The following BTBD10 variants were observed in gnomAD, a reference collection of about 807,000 sequenced individuals.
The protein encoded by BTBD10 is BTB/POZ domain-containing protein 10.
A neutral mutation model predicts 53.2 loss-of-function variants in BTBD10; 21 were observed. The ratio of observed to expected loss-of-function variants is 0.39; its 90% CI spans 0.28 to 0.57. The LOEUF (loss-of-function observed/expected upper bound fraction) is 0.57, where lower values mean the gene tolerates loss of function less well. Ranked by LOEUF, BTBD10 falls within the 20% of genes least tolerant of loss-of-function variation. The probability of loss-of-function intolerance (pLI) is 0.53; values close to 1 mark genes in which losing one functional copy is unlikely to be tolerated. For synonymous variants in BTBD10, 149 were observed against 192.7 expected (o/e 0.77, Z 1.88); for missense variants, 360 against 594.7 (o/e 0.61, Z 4.10).
chr11:13,438,917 T>C (rs947372756), intron 2 of BTBD10, among the ~76,000 whole-genome samples: 1 of 151,876 alleles, frequency 6.6e-6, no homozygotes, highest in Non-Finnish European at 1.5e-5. Flanking sequence ...GACAAAAACA[T>C]TTCTGGACCC....
At chr11:13,401,691 TAC>T (rs1252831283) in intron 8 of BTBD10, among the ~76,000 whole-genome samples, 1 of 152,158 alleles carries the variant, frequency 6.6e-6, no homozygotes, top group Non-Finnish European at 1.5e-5. Flanking sequence ...CTCTAAGATA[TAC>T]AGAGTATTAC....
chr11:13,434,151 A>C (rs1225705410), intron 2 of BTBD10, among the ~76,000 whole-genome samples: 2 of 152,230 alleles, frequency 1.3e-5, no homozygotes, highest in Admixed American at 6.5e-5. Context: ...AATAGTTTTA[A>C]TACTATTTCT....
At chr11:13,396,049 A>G (rs980633238) in intron 8 of BTBD10, among the ~76,000 whole-genome samples, 1 of 152,116 alleles carries the variant, frequency 6.6e-6, no homozygotes, top group African/African-American at 2.4e-5. Flanking sequence ...TATGAACTTT[A>G]AAGTAGTTTT....
intron 1 of BTBD10, among the ~76,000 whole-genome samples, chr11:13,457,653 G>A (rs918183687): frequency 9.9e-5 from 15 of 152,212 alleles, no homozygotes; most frequent in Non-Finnish European, 1.9e-4. Flanking sequence ...TATATGGGCA[G>A]AGTAGGACTG....
In BTBD10 at chr11:13,397,474, G is replaced by C. The variant is rs1311812916; in HGVS notation, c.1117+5694C>G. ...TTGCTAGCAGTCTATCAATTTTGTT[G>C]ATCCTTTCAAAAAACCAGCTCCTGG... On this transcript the variant is annotated intron_variant, in intron 8 of 8. Transcript: ENST00000278174. 4.6e-5 allele frequency among the ~76,000 whole-genome samples: 7 copies of C among 151,990 alleles called. No individual in the cohort carries two copies. The East Asian group carries it at 1.4e-3, about 29-fold the overall frequency.
chr11:13,396,587 T>A (rs994673668), intron 8 of BTBD10, among the ~76,000 whole-genome samples: 1 of 152,122 alleles, frequency 6.6e-6, no homozygotes, highest in Non-Finnish European at 1.5e-5. Context: ...GGTGAATAGT[T>A]GTGGTGAGAG....
chr11:13,408,535 T>A (rs72870942), intron 6 of BTBD10, among the ~76,000 whole-genome samples: 4,210 of 152,314 alleles, frequency 0.028, 149 homozygotes, highest in South Asian at 0.083. Flanking sequence ...TAGACATGTA[T>A]ACCCAATGCT....
At chr11:13,443,541 C>T (rs537743234) in intron 2 of BTBD10, among the ~76,000 whole-genome samples, 7 of 151,702 alleles carry the variant, frequency 4.6e-5, no homozygotes, top group Non-Finnish European at 8.8e-5. Context: ...AAAAAATACA[C>T]ATATATATAA....
At chr11:13,410,639 T>C (rs1162453265) in intron 6 of BTBD10, among the ~76,000 whole-genome samples, 1 of 152,182 alleles carries the variant, frequency 6.6e-6, no homozygotes, top group African/African-American at 2.4e-5. Flanking sequence ...AAAAGTGTTA[T>C]TTATAACATA....
chr11:13,400,695 CCAG>C (rs1429831349), intron 8 of BTBD10, among the ~76,000 whole-genome samples: 2 of 58,612 alleles, frequency 3.4e-5, no homozygotes, highest in Non-Finnish European at 5.0e-5. Flanking sequence ...GCTCCACCCC[CCAG>C]AGGTAGTTCT....
At chr11:13,392,470 G>A (rs1000668604) in intron 8 of BTBD10, among the ~76,000 whole-genome samples, 13 of 152,074 alleles carry the variant, frequency 8.5e-5, no homozygotes, top group Non-Finnish European at 1.9e-4. Context: ...AACATTAGAA[G>A]ACAGATTATG....
rs994442645 is a variant in BTBD10 at position 13,413,556 on chromosome 11, T to C, written c.782A>G (p.Tyr261Cys). Residue 261 changes from tyrosine to cysteine, a missense_variant, in exon 6 of 9, where the codon TAT (tyrosine) becomes TGT (cysteine). Physicochemically the swap from Tyr to Cys is radical, Grantham distance 194. Transcript: ENST00000278174. ...GAGATCTCTACATTTAATAGTGCTA[T>C]ATTCAAAAGAGATACAAAGATAGTC... is the stretch of plus-strand genomic sequence containing the variant. ...ACDYLCISFE[Y>C]STIKCRDLSA... The C allele has an allele frequency of 2.5e-6, 4 of 1,609,472 alleles. No individual in the cohort carries two copies. The highest frequency in any genetic ancestry group is 1.3e-5 in the African/African-American group (1 of 74,818).
At chr11:13,406,541 T>C (rs1315833998) in intron 6 of BTBD10, among the ~76,000 whole-genome samples, 2 of 150,474 alleles carry the variant, frequency 1.3e-5, no homozygotes, top group Non-Finnish European at 3.0e-5. Context: ...GAAGCAACCA[T>C]GGCAACCATA....
intron 3 of BTBD10, among the ~76,000 whole-genome samples, chr11:13,421,108 T>TC (rs1950233581): frequency 6.6e-6 from 1 of 151,780 alleles, no homozygotes; most frequent in Non-Finnish European, 1.5e-5. Flanking sequence ...TTTATAGTTA[T>TC]ATGTGTTCAC....
chr11:13,433,749 T>C (rs1240246581), intron 2 of BTBD10, among the ~76,000 whole-genome samples: 3 of 152,168 alleles, frequency 2.0e-5, no homozygotes, highest in African/African-American at 7.2e-5. Flanking sequence ...GGACAGAGAC[T>C]GTGGCCCACA....
chr11:13,455,545 G>T (rs1383176972), intron 1 of BTBD10, among the ~76,000 whole-genome samples: 2 of 152,002 alleles, frequency 1.3e-5, no homozygotes, highest in African/African-American at 2.4e-5. Flanking sequence ...TAGTTTATAG[G>T]CTACCTTCTT....
At chr11:13,420,412 C>T (rs111624413) in intron 3 of BTBD10, among the ~76,000 whole-genome samples, 20 of 151,772 alleles carry the variant, frequency 1.3e-4, no homozygotes, top group African/African-American at 4.8e-4. Flanking sequence ...TAAAGCACTG[C>T]TACAAATTTT....
chr11:13,458,135 C>CAAAAA (rs35036994), intron 1 of BTBD10, among the ~76,000 whole-genome samples: 7 of 62,854 alleles, frequency 1.1e-4, no homozygotes, highest in Non-Finnish European at 1.6e-4. Context: ...GACTCCATCT[C>CAAAAA]AAAAAAAAAA....
intron 2 of BTBD10, among the ~76,000 whole-genome samples, chr11:13,442,183 CTTGTT>C (rs1950667169): frequency 6.6e-6 from 1 of 152,058 alleles, no homozygotes; most frequent in Non-Finnish European, 1.5e-5. Context: ...AGTGTTTAGT[CTTGTT>C]TTCTTTTACT....
Sources: gnomAD v4.1 joint callset for allele counts (sites outside exome capture counted in the v4.1 genomes callset) on GRCh38, gnomAD v4.1.1 for gene constraint, MANE v1.5 for transcripts, NCBI Gene and HGNC (gene_info 2026-07-23, HGNC 2026-07-21) for gene names.